The following MARK1 variants were observed in gnomAD, a reference collection of about 807,000 sequenced individuals.
MARK1 encodes microtubule affinity regulating kinase 1.
A neutral mutation model predicts 96.3 loss-of-function variants in MARK1; 40 were observed. The observed-to-expected ratio is 0.42, with a 90% CI of 0.32 to 0.54. The LOEUF (loss-of-function observed/expected upper bound fraction) is 0.54, where lower values mean the gene tolerates loss of function less well. Ranked by LOEUF, MARK1 falls within the 20% of genes least tolerant of loss-of-function variation. The probability of loss-of-function intolerance (pLI) is 0.16; values close to 1 mark genes in which losing one functional copy is unlikely to be tolerated. For synonymous variants in MARK1, 317 were observed against 341.2 expected, an observed-to-expected ratio of 0.93 and a Z score of 0.78; for missense variants, 719 against 984.6, an observed-to-expected ratio of 0.73 and a Z score of 3.61.
chr1:220,540,749 A>G (rs540897032), intron 1 of MARK1, among the ~76,000 whole-genome samples: 1 of 151,660 alleles, frequency 6.6e-6, no homozygotes, highest in African/African-American at 2.4e-5. Context: ...AGGTTTGTCA[A>G]ATTTGTTGAT....
At chr1:220,593,299 CT>C (rs1665117718) in intron 3 of MARK1, among the ~76,000 whole-genome samples, 1 of 151,688 alleles carries the variant, frequency 6.6e-6, no homozygotes, top group South Asian at 2.1e-4. Flanking sequence ...AGCATTTTTT[CT>C]TATAAAATGA....
Position 220,554,665 on chromosome 1 carries a change from A to C in MARK1, c.52-24689A>C, listed in dbSNP as rs147948807. 2.3e-3 allele frequency among the ~76,000 whole-genome samples: 351 copies of C among 152,344 alleles called. 2 individuals carry two copies. The highest frequency in any genetic ancestry group is 8.0e-3 in the African/African-American group (333 of 41,578). ...ATAAATAAAAAAGCATTTGCAGTTC[A>C]TCAGTCACACACCAGGTACTGGAGT... is the stretch of plus-strand genomic sequence containing the variant. On this transcript the variant is annotated intron_variant, in intron 1 of 17. Coordinates refer to ENST00000366917, the MANE Select transcript of MARK1 (RefSeq NM_018650.5).
intron 1 of MARK1, among the ~76,000 whole-genome samples, chr1:220,545,629 G>C (rs1015675202): frequency 1.3e-5 from 2 of 151,808 alleles, no homozygotes; most frequent in African/African-American, 4.8e-5. Flanking sequence ...GTAGAAATGG[G>C]AGTTTCGACA....
At chr1:220,608,197 G>C (rs150466986) in intron 6 of MARK1, among the ~76,000 whole-genome samples, 2,358 of 152,202 alleles carry the variant, frequency 0.015, 33 homozygotes, top group Middle Eastern at 0.044. Context: ...ACTTTTTTTG[G>C]TTGCTAGGCT....
At chr1:220,641,983 C>A (rs947218442) in intron 13 of MARK1, among the ~76,000 whole-genome samples, 9 of 152,238 alleles carry the variant, frequency 5.9e-5, no homozygotes, top group Non-Finnish European at 1.2e-4. Context: ...ACTGGGCAGA[C>A]CCATGGCAGC....
intron 1 of MARK1, among the ~76,000 whole-genome samples, chr1:220,576,296 A>C (rs2589579): frequency 1.3e-5 from 2 of 151,512 alleles, no homozygotes; most frequent in Non-Finnish European, 2.9e-5. Flanking sequence ...ATTTCTCATC[A>C]TCCTGCTGTC....
In MARK1 at chr1:220,582,297, T is replaced by C. The variant is rs139330243; in HGVS notation, c.309+1179T>C. On this transcript the variant is annotated intron_variant, in intron 3 of 17. Transcript: ENST00000366917. ...TCTGTGAATGTGAGATAATGTATTA[T>C]GGGTCTCTTCTTGGAGAAAGTCTCT... Among the ~76,000 whole-genome samples the C allele has an allele frequency of 1.7e-3, 265 of 152,330 alleles. 1 individual carries two copies. Among genetic ancestry groups the C allele is most frequent in the African/African-American group, 6.0e-3 (250 of 41,564 alleles).
At chr1:220,636,953 A>G (rs1667999348) in intron 13 of MARK1, among the ~76,000 whole-genome samples, 2 of 152,124 alleles carry the variant, frequency 1.3e-5, no homozygotes, top group South Asian at 4.1e-4. Flanking sequence ...GTTGATCAAT[A>G]GCAACATGGA....
intron 1 of MARK1, among the ~76,000 whole-genome samples, chr1:220,556,670 T>C (rs1262049997): frequency 6.6e-6 from 1 of 151,996 alleles, no homozygotes; most frequent in Non-Finnish European, 1.5e-5. Context: ...CAGTAATAAA[T>C]ACCATAATAA....
chr1:220,579,917 A>G (rs1424449371), intron 2 of MARK1, among the ~76,000 whole-genome samples: 1 of 152,204 alleles, frequency 6.6e-6, no homozygotes, highest in Non-Finnish European at 1.5e-5. Context: ...ATAAATATGT[A>G]GAAAGTCACC....
chr1:220,570,206 A>G (rs1447685042), intron 1 of MARK1, among the ~76,000 whole-genome samples: 1 of 152,092 alleles, frequency 6.6e-6, no homozygotes, highest in Non-Finnish European at 1.5e-5. Flanking sequence ...AAACTCCAAT[A>G]TGATGTGTGG....
chr1:220,551,058 C>G (rs1215147584), intron 1 of MARK1, among the ~76,000 whole-genome samples: 2 of 152,138 alleles, frequency 1.3e-5, no homozygotes, highest in African/African-American at 4.8e-5. Context: ...TTAGAACCTG[C>G]GAGGACAAAC....
intron 6 of MARK1, among the ~76,000 whole-genome samples, chr1:220,611,319 A>G (rs960040474): frequency 6.6e-6 from 1 of 152,204 alleles, no homozygotes; most frequent in African/African-American, 2.4e-5. Context: ...TGCCTCGCAG[A>G]TCAATCTCAG....
intron 3 of MARK1, among the ~76,000 whole-genome samples, chr1:220,587,167 G>A (rs947978457): frequency 1.3e-5 from 2 of 151,738 alleles, no homozygotes; most frequent in Non-Finnish European, 2.9e-5. Flanking sequence ...CAGTATATTA[G>A]TTATTTTAAA....
chr1:220,599,770 T>C (rs756237196), intron 4 of MARK1, 28 bp from the exon 5 acceptor site: 16 of 1,293,344 alleles, frequency 1.2e-5, no homozygotes, highest in Non-Finnish European at 1.8e-5. Flanking sequence ...CTAACAGTTA[T>C]AGAGTTATAT....
At chr1:220,578,622 A>G (rs1664029489) in intron 1 of MARK1, among the ~76,000 whole-genome samples, 1 of 152,212 alleles carries the variant, frequency 6.6e-6, no homozygotes, top group African/African-American at 2.4e-5. Context: ...AAGCAAGAAC[A>G]TGACAAATGG....
At position 220,599,769 on chromosome 1, in the gene MARK1, A is replaced by G. The variant is rs750632129; in HGVS notation, c.359-29A>G. The G allele has an allele frequency of 8.6e-6, 11 of 1,272,816 alleles. No homozygotes were observed. The South Asian group carries it at 1.2e-4, about 14-fold the overall frequency. The allele number at this position is 1,272,816 out of a possible 1,614,324, so 78.8% of individuals were successfully genotyped here. ...GCATATTCAATCTGTGCTAACAGTT[A>G]TAGAGTTATATCTCTAATTTTTTTT... On this transcript the variant is annotated intron_variant, in intron 4 of 17. Transcript: ENST00000366917.
chr1:220,644,448 GAC>G (rs1491359853), intron 13 of MARK1, among the ~76,000 whole-genome samples: 1 of 34,828 alleles, frequency 2.9e-5, no homozygotes, highest in Non-Finnish European at 5.6e-5. Flanking sequence ...AAGAGACTTA[GAC>G]CCCCCCCCCC....
intron 13 of MARK1, among the ~76,000 whole-genome samples, chr1:220,645,637 T>C (rs1476776067): frequency 1.3e-5 from 2 of 152,164 alleles, no homozygotes; most frequent in Admixed American, 1.3e-4. Flanking sequence ...CTGATGAACA[T>C]CGATGCAAAA....
Sources: gnomAD v4.1 joint callset for allele counts (sites outside exome capture counted in the v4.1 genomes callset) on GRCh38, gnomAD v4.1.1 for gene constraint, MANE v1.5 for transcripts, NCBI Gene and HGNC (gene_info 2026-07-23, HGNC 2026-07-21) for gene names.